TENM1: variants seen among roughly 807,000 people sequenced by gnomAD.
TENM1 encodes teneurin-1.
In TENM1, 35 loss-of-function variants were observed where a neutral mutation model predicts 174.8. The ratio of observed to expected loss-of-function variants is 0.20; its 90% CI spans 0.15 to 0.27. The LOEUF (loss-of-function observed/expected upper bound fraction) is 0.27. TENM1 is among the 10% of genes least tolerant of loss of function. The pLI, the probability that TENM1 is intolerant of heterozygous loss-of-function variation, is 1.00. For missense variants in TENM1, 1,633 were observed against 2,130.1 expected (o/e 0.77, Z 4.59); for synonymous variants, 781 against 798.7 (o/e 0.98, Z 0.37).
At chrX:124,994,617 G>GCCTGAAAT in the TENM1 span, among the ~76,000 whole-genome samples, 1 of 110,655 alleles carries the variant, frequency 9.0e-6, no homozygotes, top group Non-Finnish European at 1.9e-5. Flanking sequence ...AGTTAAATGA[G>GCCTGAAAT]CCTGAAATCT....
chrX:125,186,577 G>GAAA, the TENM1 span, among the ~76,000 whole-genome samples: 1 of 93,614 alleles, frequency 1.1e-5, no homozygotes, highest in Non-Finnish European at 2.2e-5. Flanking sequence ...AATGCTGGTT[G>GAAA]AAAAAAAAAA....
chrX:124,874,477 T>C (rs1292948497), intron 3 of TENM1, among the ~76,000 whole-genome samples: 1 of 110,255 alleles, frequency 9.1e-6, no homozygotes, highest in Non-Finnish European at 1.9e-5. Flanking sequence ...GCACTCTTTA[T>C]ATAGGAGGAA....
intron 3 of TENM1, among the ~76,000 whole-genome samples, chrX:124,756,810 A>G (rs1305968285): frequency 1.9e-5 from 2 of 107,987 alleles, no homozygotes; most frequent in Non-Finnish European, 3.8e-5. Flanking sequence ...CAGTGGATTT[A>G]CGTGAACCGC....
At chrX:124,963,565 C>T in exon 1 of TENM1, 1 of 1,210,945 alleles carries the variant, frequency 8.3e-7, no homozygotes, top group Non-Finnish European at 1.1e-6. Context: ...CTTCTTTCCT[C>T]TTTCTACTCT....
the TENM1 span, among the ~76,000 whole-genome samples, chrX:125,101,896 T>C: frequency 1.0e-5 from 1 of 95,673 alleles, no homozygotes; most frequent in South Asian, 4.1e-4. Flanking sequence ...AACAAATAGT[T>C]ATTAAATACC....
At chrX:125,115,225 T>C in the TENM1 span, among the ~76,000 whole-genome samples, 109 of 111,631 alleles carry the variant, frequency 9.8e-4, no homozygotes, top group African/African-American at 3.4e-3. Context: ...AAACTAGGTA[T>C]TGATGGAAAA....
the TENM1 span, among the ~76,000 whole-genome samples, chrX:125,069,189 A>C: frequency 5.2e-3 from 574 of 111,351 alleles, 3 homozygotes; most frequent in African/African-American, 0.018. Context: ...CCCAATATCT[A>C]TTGTTTCCAT....
chrX:124,595,522 TA>T (rs2049869549), intron 11 of TENM1, among the ~76,000 whole-genome samples: 1 of 112,105 alleles, frequency 8.9e-6, no homozygotes, highest in African/African-American at 3.2e-5. Flanking sequence ...TTGTAGACTA[TA>T]GCCACAAATA....
the TENM1 span, among the ~76,000 whole-genome samples, chrX:125,182,081 C>T: frequency 1.6e-4 from 18 of 110,504 alleles, no homozygotes; most frequent in Non-Finnish European, 2.3e-4. Context: ...ATCAGGGTAT[C>T]GGCATGGCTG....
the TENM1 span, among the ~76,000 whole-genome samples, chrX:125,165,598 C>G: frequency 8.9e-6 from 1 of 111,860 alleles, no homozygotes; most frequent in Non-Finnish European, 1.9e-5. Flanking sequence ...AAAAGCTGAG[C>G]TGCTTTTCTG....
intron 20 of TENM1, among the ~76,000 whole-genome samples, chrX:124,491,763 A>T (rs1314538505): frequency 8.9e-6 from 1 of 112,075 alleles, no homozygotes; most frequent in African/African-American, 3.2e-5. Flanking sequence ...CAGATGTTTC[A>T]ATTGGAAACG....
At chrX:125,183,716 A>G in the TENM1 span, among the ~76,000 whole-genome samples, 1 of 111,880 alleles carries the variant, frequency 8.9e-6, no homozygotes, top group African/African-American at 3.2e-5. Context: ...TAACGCCAGT[A>G]CTAGTACGCA....
intron 4 of TENM1, 137 bp downstream of exon 7, chrX:124,736,820 C>T: frequency 1.2e-6 from 1 of 836,612 alleles, no homozygotes; most frequent in Non-Finnish European, 1.6e-6. Flanking sequence ...TTCCTTTTTG[C>T]CCATGCATCT....
intron 3 of TENM1, among the ~76,000 whole-genome samples, chrX:124,841,996 C>A (rs1383265857): frequency 8.9e-6 from 1 of 111,900 alleles, no homozygotes; most frequent in African/African-American, 3.2e-5. Flanking sequence ...CGAATTGATT[C>A]CCTAGAAATA....
chrX:124,585,548 G>A (rs1193405544), intron 11 of TENM1, among the ~76,000 whole-genome samples: 2 of 110,641 alleles, frequency 1.8e-5, no homozygotes, highest in Non-Finnish European at 3.8e-5. Context: ...TGTGTAGATG[G>A]AAATTTATAG....
intron 3 of TENM1, among the ~76,000 whole-genome samples, chrX:124,738,247 A>G (rs2053722919): frequency 8.9e-6 from 1 of 111,783 alleles, no homozygotes; most frequent in South Asian, 3.7e-4. Context: ...GTTGAAAAGC[A>G]GAAAAACGCC....
chrX:125,055,325 G>A, the TENM1 span, among the ~76,000 whole-genome samples: 2 of 111,373 alleles, frequency 1.8e-5, no homozygotes, highest in South Asian at 7.5e-4. Context: ...TTGAATACAG[G>A]TTTGCTTTTT....
the TENM1 span, among the ~76,000 whole-genome samples, chrX:124,978,003 AGAGAGAGAGAGAGAGAGAG>A: frequency 1.0e-5 from 1 of 98,477 alleles, no homozygotes; most frequent in African/African-American, 4.0e-5. Flanking sequence ...AGAGAGAGAG[AGAGAGAGAGAGAGAGAGAG>A]ATCTTTTTCC....
intron 5 of TENM1, among the ~76,000 whole-genome samples, chrX:124,704,219 A>G (rs1461368073): frequency 8.9e-6 from 1 of 112,365 alleles, no homozygotes; most frequent in Non-Finnish European, 1.9e-5. Context: ...ATACTTGGAT[A>G]GACTTTGTTT....
Sources: gnomAD v4.1 joint callset for allele counts (sites outside exome capture counted in the v4.1 genomes callset) on GRCh38, gnomAD v4.1.1 for gene constraint, MANE v1.5 for transcripts, NCBI Gene and HGNC (gene_info 2026-07-23, HGNC 2026-07-21) for gene names.